Variants in FSTL5 observed in about 807,000 individuals in gnomAD.
FSTL5 encodes the protein follistatin like 5, also known as follistatin-related protein 5.
In FSTL5, 62 loss-of-function variants were observed where a neutral mutation model predicts 89.1. The observed-to-expected ratio is 0.70, with a 90% CI of 0.57 to 0.86. The LOEUF is 0.86. Ranked by LOEUF, FSTL5 falls within the 40% of genes least tolerant of loss-of-function variation. FSTL5 has a pLI of 0.00. For synonymous variants in FSTL5, 383 were observed against 346.2 expected, an observed-to-expected ratio of 1.11 and a Z score of -1.18; for missense variants, 1,057 against 1,001.6, an observed-to-expected ratio of 1.06 and a Z score of -0.75.
intron 6 of FSTL5, among the ~76,000 whole-genome samples, chr4:161,707,954 C>T (rs1022981459): frequency 6.6e-6 from 1 of 151,594 alleles, no homozygotes; most frequent in African/African-American, 2.4e-5. Flanking sequence ...ATACCTTCCA[C>T]ATTTTATAAA....
At chr4:161,708,525 C>T (rs1178582598) in intron 6 of FSTL5, among the ~76,000 whole-genome samples, 1 of 151,856 alleles carries the variant, frequency 6.6e-6, no homozygotes, top group Non-Finnish European at 1.5e-5. Flanking sequence ...TTGGATGTTC[C>T]CCTTAAAGCA....
intron 2 of FSTL5, among the ~76,000 whole-genome samples, chr4:162,083,216 G>C (rs1730171326): frequency 6.6e-6 from 1 of 151,640 alleles, no homozygotes; most frequent in African/African-American, 2.4e-5. Flanking sequence ...TAGTTTTATT[G>C]GAAACATGCA....
chr4:161,804,869 A>AACAAT (rs1479627128), intron 4 of FSTL5, among the ~76,000 whole-genome samples: 5 of 152,076 alleles, frequency 3.3e-5, no homozygotes, highest in African/African-American at 1.2e-4. Context: ...GGTCTGAAAC[A>AACAAT]ACAATTTCTC....
chr4:161,558,977 G>A (rs561912393), intron 8 of FSTL5, among the ~76,000 whole-genome samples: 72 of 151,970 alleles, frequency 4.7e-4, no homozygotes, highest in African/African-American at 1.7e-3. Flanking sequence ...CCTGTGAACT[G>A]CTCTTCTTCT....
At chr4:161,487,567 G>A (rs897744767) in intron 12 of FSTL5, among the ~76,000 whole-genome samples, 1 of 152,074 alleles carries the variant, frequency 6.6e-6, no homozygotes, top group Non-Finnish European at 1.5e-5. Context: ...TTCATGTAGT[G>A]AAAACTACCT....
chr4:161,864,250 AGTG>A (rs1035519206), intron 4 of FSTL5, among the ~76,000 whole-genome samples: 3 of 152,172 alleles, frequency 2.0e-5, no homozygotes. Flanking sequence ...AGCAATGTGT[AGTG>A]GTGGCCGATT....
chr4:161,752,250 T>TAGAC (rs949423150), intron 6 of FSTL5, among the ~76,000 whole-genome samples: 2 of 151,758 alleles, frequency 1.3e-5, no homozygotes, highest in Middle Eastern at 3.2e-3. Context: ...GATAGATAGA[T>TAGAC]AGATAGATAG....
intron 15 of FSTL5, among the ~76,000 whole-genome samples, chr4:161,437,077 T>A (rs1174132755): frequency 6.6e-6 from 1 of 152,116 alleles, no homozygotes; most frequent in Non-Finnish European, 1.5e-5. Flanking sequence ...AAAGCTTGCA[T>A]ATAACGCCAT....
At chr4:161,505,206 G>A (rs886595144) in intron 11 of FSTL5, among the ~76,000 whole-genome samples, 6 of 152,084 alleles carry the variant, frequency 3.9e-5, no homozygotes, top group African/African-American at 1.4e-4. Context: ...AGATTGCGTT[G>A]CATTTTCTCA....
chr4:162,079,168 A>G (rs1729986761), intron 2 of FSTL5, among the ~76,000 whole-genome samples: 1 of 151,756 alleles, frequency 6.6e-6, no homozygotes, highest in South Asian at 2.1e-4. Context: ...TTTACATAAC[A>G]AGTGTAGGTG....
chr4:161,506,243 T>G (rs1320853112), intron 11 of FSTL5, among the ~76,000 whole-genome samples: 4 of 151,798 alleles, frequency 2.6e-5, no homozygotes, highest in Non-Finnish European at 5.9e-5. Context: ...ATTTTTTTTT[T>G]TTAATTTTTT....
At chr4:161,435,377 T>C (rs1042080913) in intron 15 of FSTL5, among the ~76,000 whole-genome samples, 12 of 151,906 alleles carry the variant, frequency 7.9e-5, no homozygotes, top group African/African-American at 2.7e-4. Flanking sequence ...TTTCAAACAA[T>C]TAAACTAATG....
chr4:161,791,742 T>C (rs2126820791), intron 4 of FSTL5, among the ~76,000 whole-genome samples: 1 of 152,316 alleles, frequency 6.6e-6, no homozygotes, highest in East Asian at 1.9e-4. Flanking sequence ...TTAAGTACAG[T>C]TTCTGAGAAT....
intron 8 of FSTL5, among the ~76,000 whole-genome samples, chr4:161,570,230 T>C (rs1366368501): frequency 6.6e-6 from 1 of 152,058 alleles, no homozygotes; most frequent in African/African-American, 2.4e-5. Context: ...GGGGGCATAG[T>C]TAAAATTTTA....
At chr4:161,942,442 G>T (rs1016979206) in intron 3 of FSTL5, among the ~76,000 whole-genome samples, 1 of 151,868 alleles carries the variant, frequency 6.6e-6, no homozygotes, top group Non-Finnish European at 1.5e-5. Flanking sequence ...GATAAAGTGG[G>T]ATCATTAGTA....
Position 162,066,367 on chromosome 4 carries a change from T to TCTTCTC in FSTL5, c.127-32715_127-32710dup, listed in dbSNP as rs1561000600. On this transcript the variant is annotated intron_variant, in intron 2 of 15. Coordinates refer to ENST00000306100, the MANE Select transcript of FSTL5 (RefSeq NM_020116.5). ...TTCTTCTTCTTCTCCTTCTTCTTCT[T>TCTTCTC]CTTCTCCTTCTTCTTCTTCTTCATT... is the stretch of plus-strand genomic sequence containing the variant. Among the ~76,000 whole-genome samples the TCTTCTC allele has an allele frequency of 3.4e-4, 47 of 136,564 alleles. 1 individual carries two copies. Among genetic ancestry groups the TCTTCTC allele is most frequent in the African/African-American group, 1.2e-3 (44 of 37,448 alleles). 89.6% of individuals were successfully genotyped at this position (136,564 alleles called of 152,430 possible). A position where few individuals can be genotyped will look rare whatever the true frequency, so the allele number is the denominator to read the frequency against.
At chr4:161,592,307 G>A (rs944936406) in intron 7 of FSTL5, among the ~76,000 whole-genome samples, 1 of 151,238 alleles carries the variant, frequency 6.6e-6, no homozygotes, top group Non-Finnish European at 1.5e-5. Flanking sequence ...TTAAGTTCTG[G>A]GGTACATATG....
chr4:161,923,481 A>T (rs17458754), intron 3 of FSTL5, among the ~76,000 whole-genome samples: 8,001 of 151,918 alleles, frequency 0.053, 265 homozygotes, highest in Non-Finnish European at 0.077. Context: ...TATAGAGTCT[A>T]TATGGGGCTG....
intron 1 of FSTL5, among the ~76,000 whole-genome samples, chr4:162,122,761 C>T (rs1731920370): frequency 6.6e-6 from 1 of 152,032 alleles, no homozygotes; most frequent in South Asian, 2.1e-4. Context: ...TACTTTATTG[C>T]ACATTTCATA....
Sources: allele counts gnomAD v4.1 joint callset (sites outside exome capture counted in the v4.1 genomes callset), GRCh38; gene constraint gnomAD v4.1.1; transcripts MANE v1.5; gene names NCBI Gene and HGNC (gene_info 2026-07-23, HGNC 2026-07-21).